The following WWOX variants were observed in gnomAD, a reference collection of about 807,000 sequenced individuals.
WWOX encodes the protein WW domain containing oxidoreductase.
Under a neutral mutation model 46.2 loss-of-function variants are expected in WWOX, and 69 were observed. The observed-to-expected ratio is 1.49, with a 90% CI of 1.23 to 1.82. The LOEUF (loss-of-function observed/expected upper bound fraction) is 1.82, where lower values mean the gene tolerates loss of function less well. WWOX is among the 40% of genes most tolerant of loss of function. WWOX has a pLI of 0.00. For missense variants in WWOX, 919 were observed against 542.6 expected (o/e 1.69, Z -6.89); for synonymous variants, 359 against 202.6 (o/e 1.77, Z -6.56).
At chr16:78,637,872 G>C (rs2046612388) in intron 8 of WWOX, among the ~76,000 whole-genome samples, 1 of 152,118 alleles carries the variant, frequency 6.6e-6, no homozygotes, top group African/African-American at 2.4e-5. Flanking sequence ...ACGCAGAGGG[G>C]GACCTCTGTA....
intron 8 of WWOX, among the ~76,000 whole-genome samples, chr16:78,881,259 C>T (rs2044338100): frequency 6.6e-6 from 1 of 152,184 alleles, no homozygotes; most frequent in Admixed American, 6.5e-5. Context: ...GTGCCTCAGC[C>T]TCCCAAAGTG....
intron 8 of WWOX, among the ~76,000 whole-genome samples, chr16:78,792,605 C>T (rs367715915): frequency 4.6e-5 from 7 of 152,256 alleles, no homozygotes; most frequent in Admixed American, 3.3e-4. Flanking sequence ...GATTTTGATT[C>T]ATTGCTCTGT....
At chr16:78,379,004 A>T (rs1272898281) in intron 5 of WWOX, among the ~76,000 whole-genome samples, 1 of 152,224 alleles carries the variant, frequency 6.6e-6, no homozygotes, top group African/African-American at 2.4e-5. Flanking sequence ...GGAACCAGCC[A>T]CATCTCAGTT....
At chr16:78,773,793 G>A (rs772825414) in intron 8 of WWOX, among the ~76,000 whole-genome samples, 1 of 152,178 alleles carries the variant, frequency 6.6e-6, no homozygotes, top group Non-Finnish European at 1.5e-5. Flanking sequence ...GAGCTAATTG[G>A]GATCAGGCAG....
chr16:78,693,792 T>G (rs913294369), intron 8 of WWOX, among the ~76,000 whole-genome samples: 7 of 152,186 alleles, frequency 4.6e-5, no homozygotes, highest in African/African-American at 1.4e-4. Flanking sequence ...ATTGTTGATC[T>G]AGGGGAAGAT....
chr16:78,665,730 G>T (rs970388209), intron 8 of WWOX, among the ~76,000 whole-genome samples: 1 of 152,096 alleles, frequency 6.6e-6, no homozygotes, highest in African/African-American at 2.4e-5. Flanking sequence ...TGTCGCCCAG[G>T]CTGTAGTGTA....
rs577038838 is a variant in WWOX, at chr16:79,020,420, C to G, written c.1057-191188C>G. On this transcript the variant is annotated intron_variant, in intron 8 of 8. Transcript: ENST00000566780. The stretch of plus-strand genomic sequence containing the variant: ...GTATCACCATGAGCGATAACTTAAC[C>G]TCTTTGTGGCTCAGTTTCTTCATAT... Among the ~76,000 whole-genome samples the G allele has an allele frequency of 2.0e-5, 3 of 152,264 alleles. No individual in the cohort carries two copies. In the South Asian group the frequency reaches 6.2e-4, roughly 32 times the overall value.
chr16:78,809,217 C>G (rs1299595255), intron 8 of WWOX, among the ~76,000 whole-genome samples: 1 of 150,102 alleles, frequency 6.7e-6, no homozygotes, highest in Non-Finnish European at 1.5e-5. Flanking sequence ...AGCATGTGTC[C>G]TATAACTTGA....
At chr16:78,205,897 C>T (rs1226662177) in intron 5 of WWOX, among the ~76,000 whole-genome samples, 1 of 151,426 alleles carries the variant, frequency 6.6e-6, no homozygotes, top group Non-Finnish European at 1.5e-5. Flanking sequence ...TCCTCCCTTC[C>T]TTCCTCCTGT....
chr16:78,309,467 G>A (rs961474572), intron 5 of WWOX, among the ~76,000 whole-genome samples: 3 of 152,150 alleles, frequency 2.0e-5, no homozygotes, highest in African/African-American at 7.2e-5. Context: ...GTATGACTTG[G>A]AAGCCCTCAT....
intron 8 of WWOX, among the ~76,000 whole-genome samples, chr16:78,696,016 C>T (rs896054770): frequency 4.6e-5 from 7 of 152,142 alleles, no homozygotes; most frequent in East Asian, 3.9e-4. Flanking sequence ...GGGAGGGAGA[C>T]GAAGTGGGAG....
chr16:78,677,369 T>C (rs1338518849), intron 8 of WWOX, among the ~76,000 whole-genome samples: 1 of 152,234 alleles, frequency 6.6e-6, no homozygotes, highest in Non-Finnish European at 1.5e-5. Context: ...AAACACTGTT[T>C]AAATAAAATT....
chr16:78,914,865 C>G (rs534186405), intron 8 of WWOX, among the ~76,000 whole-genome samples: 1 of 121,864 alleles, frequency 8.2e-6, no homozygotes, highest in African/African-American at 3.3e-5. Flanking sequence ...GGTGACAGAG[C>G]GAGACTCCGC....
In WWOX at chr16:79,005,318, C is replaced by G. The variant is rs191569043; in HGVS notation, c.1057-206290C>G. Among the ~76,000 whole-genome samples, 4 of 152,222 alleles carry G rather than the reference C, an allele frequency of 2.6e-5. 1 individual carries two copies. The highest frequency in any genetic ancestry group is 9.6e-5 in the African/African-American group (4 of 41,548). ...GGGAGGAGATGCAACACACAGTTTC[C>G]TAGAATCATTTACTCCCCAGGCTAA... On this transcript the variant is annotated intron_variant, in intron 8 of 8. Transcript: ENST00000566780.
At chr16:79,134,620 C>A (rs148494919) in intron 8 of WWOX, among the ~76,000 whole-genome samples, 55 of 152,278 alleles carry the variant, frequency 3.6e-4, no homozygotes, top group African/African-American at 1.3e-3. Context: ...GACACCCACA[C>A]CCACACATAC....
At chr16:79,026,751 G>A (rs1401471321) in intron 8 of WWOX, among the ~76,000 whole-genome samples, 3 of 149,404 alleles carry the variant, frequency 2.0e-5, no homozygotes, top group Non-Finnish European at 4.4e-5. Context: ...CCAAGTAGCT[G>A]GGAGTACAGG....
intron 8 of WWOX, among the ~76,000 whole-genome samples, chr16:78,735,978 A>C (rs1247968580): frequency 6.6e-6 from 1 of 152,154 alleles, no homozygotes; most frequent in Non-Finnish European, 1.5e-5. Flanking sequence ...CTAGTGTGCC[A>C]CCTCAAGCGA....
chr16:78,413,245 C>T (rs1163398116), intron 6 of WWOX, among the ~76,000 whole-genome samples: 2 of 152,070 alleles, frequency 1.3e-5, no homozygotes, highest in Non-Finnish European at 2.9e-5. Context: ...GGATAGGGAG[C>T]CAGTGAGTGA....
intron 8 of WWOX, among the ~76,000 whole-genome samples, chr16:78,502,144 C>A (rs1034894838): frequency 6.6e-6 from 1 of 152,118 alleles, no homozygotes; most frequent in African/African-American, 2.4e-5. Flanking sequence ...GCCTATCTGC[C>A]CTTAGCCCTC....
Sources: allele counts gnomAD v4.1 joint callset (sites outside exome capture counted in the v4.1 genomes callset), GRCh38; gene constraint gnomAD v4.1.1; transcripts MANE v1.5; gene names NCBI Gene and HGNC (gene_info 2026-07-23, HGNC 2026-07-21).